Variants in BCAR3 observed in about 807,000 individuals in gnomAD.
The protein encoded by BCAR3 is BCAR3 adaptor protein, NSP family member.
A neutral mutation model predicts 80.1 loss-of-function variants in BCAR3; 37 were observed. That is an observed-to-expected ratio of 0.46 (90% confidence interval 0.36 to 0.61). The LOEUF (loss-of-function observed/expected upper bound fraction) is 0.61, where lower values mean the gene tolerates loss of function less well. Ranked by LOEUF, BCAR3 falls within the 20% of genes least tolerant of loss-of-function variation. The probability of loss-of-function intolerance (pLI) is 0.00; values close to 1 mark genes in which losing one functional copy is unlikely to be tolerated. For synonymous variants in BCAR3, 389 were observed against 418.9 expected, an observed-to-expected ratio of 0.93 and a Z score of 0.87; for missense variants, 978 against 1,068.2, an observed-to-expected ratio of 0.92 and a Z score of 1.18.
At position 93,777,360 on chromosome 1, in the gene BCAR3, CTCT is replaced by C. The variant is rs548946041; in HGVS notation, c.-63+68204_-63+68206del. On this transcript the variant is annotated intron_variant, in intron 2 of 13. Transcript: ENST00000370244. ...TATTTCTTCTGCTTTCTTCTTCCTC[CTCT>C]TCTTCTTCTTCCTCCTCTTCTTCTT... Among the ~76,000 whole-genome samples the C allele has an allele frequency of 3.0e-3, 362 of 120,790 alleles. 5 individuals carry two copies. The highest frequency in any genetic ancestry group is 7.7e-3 in the African/African-American group (229 of 29,852). The allele number at this position is 120,790 out of a possible 152,430, so 79.2% of individuals were successfully genotyped here.
At chr1:93,708,028 C>A (rs1194361505) in intron 2 of BCAR3, among the ~76,000 whole-genome samples, 3 of 152,050 alleles carry the variant, frequency 2.0e-5, no homozygotes, top group Non-Finnish European at 4.4e-5. Context: ...AAGTTGCCAG[C>A]ATAGACAGGA....
rs552416071 is a variant in BCAR3 at position 93,562,923 on chromosome 1, C to T, written c.2300-504G>A. On this transcript the variant is annotated intron_variant, in intron 11 of 11. Coordinates refer to ENST00000260502, the MANE Select transcript of BCAR3 (RefSeq NM_003567.4). ...AGAGCAGAGCCCCACCCTGCAGAAC[C>T]TAAGCACCTTCAGAGAAGAAATAAC... 6.6e-5 allele frequency among the ~76,000 whole-genome samples: 10 copies of T among 152,082 alleles called. No homozygotes were observed. In the South Asian group the frequency reaches 2.1e-3, roughly 32 times the overall value.
intron 2 of BCAR3, among the ~76,000 whole-genome samples, chr1:93,750,175 T>C (rs1301179652): frequency 6.6e-6 from 1 of 152,182 alleles, no homozygotes; most frequent in Admixed American, 6.5e-5. Flanking sequence ...CAAACAGAGT[T>C]CTGATCAGAC....
At chr1:93,671,030 T>A (rs1648177772) in intron 2 of BCAR3, among the ~76,000 whole-genome samples, 1 of 152,242 alleles carries the variant, frequency 6.6e-6, no homozygotes, top group African/African-American at 2.4e-5. Flanking sequence ...TCTCACTCTG[T>A]CACCCAAGGC....
intron 2 of BCAR3, among the ~76,000 whole-genome samples, chr1:93,661,530 C>T (rs1035847826): frequency 2.0e-5 from 3 of 151,700 alleles, no homozygotes; most frequent in African/African-American, 7.3e-5. Flanking sequence ...TCTGTTGCCC[C>T]AGGCTGGATT....
intron 2 of BCAR3, among the ~76,000 whole-genome samples, chr1:93,821,691 T>C (rs1400210530): frequency 3.3e-5 from 5 of 152,154 alleles, no homozygotes; most frequent in Non-Finnish European, 7.3e-5. Context: ...GAATTAGCAT[T>C]TACTGAGCAC....
rs765493367 is a variant in BCAR3, at chr1:93,589,222, G to A, written c.684C>T (p.Pro228=). 62 of 1,613,890 alleles carry A rather than the reference G, an allele frequency of 3.8e-5. No individual in the cohort carries two copies. Among genetic ancestry groups the A allele is most frequent in the Admixed American group, 1.5e-4 (9 of 59,996 alleles). ...TGCCCACGTAGCAGCGCACCAGGCC[G>A]GGGATGGAGTCGAAGCTCTCCATCT... is the stretch of plus-strand genomic sequence containing the variant. ...QFEMESFDSI[P]GLVRCYVGNR... is the part of the protein sequence containing the mutation. The change falls in exon 5 of 12, where the codon CCC becomes CCT. Residue 228 remains proline (P), a synonymous_variant. Coordinates refer to ENST00000260502, the MANE Select transcript of BCAR3 (RefSeq NM_003567.4).
At position 93,714,847 on chromosome 1, in the gene BCAR3, C is replaced by T. The variant is rs184148911; in HGVS notation, c.-62-8705G>A. On this transcript the variant is annotated intron_variant, in intron 2 of 13. Coordinates refer to the BCAR3 transcript ENST00000370244. ...TGATAATAGTCTCATCCGTGACTTT[C>T]GCAGTTTTGTAAGCTTCTGTCATAT... Among the ~76,000 whole-genome samples the T allele has an allele frequency of 3.3e-5, 5 of 152,274 alleles. No individual in the cohort carries two copies. The East Asian group carries it at 5.8e-4, about 18-fold the overall frequency.
intron 2 of BCAR3, among the ~76,000 whole-genome samples, chr1:93,650,748 A>T (rs1037766136): frequency 1.3e-5 from 2 of 152,132 alleles, no homozygotes; most frequent in African/African-American, 2.4e-5. Context: ...CTCCCCAAAA[A>T]ATTCGGTGAT....
chr1:93,737,912 A>C (rs979067724), intron 2 of BCAR3, among the ~76,000 whole-genome samples: 2 of 152,196 alleles, frequency 1.3e-5, no homozygotes, highest in African/African-American at 4.8e-5. Flanking sequence ...AGCTCACTGT[A>C]ACCTTGAAAT....
intron 2 of BCAR3, among the ~76,000 whole-genome samples, chr1:93,668,343 A>T (rs1350163955): frequency 6.6e-6 from 1 of 152,182 alleles, no homozygotes; most frequent in Non-Finnish European, 1.5e-5. Flanking sequence ...ACCATCAGAC[A>T]GCTGGTAGAT....
intron 2 of BCAR3, among the ~76,000 whole-genome samples, chr1:93,829,084 T>G (rs1390553264): frequency 6.6e-6 from 1 of 152,120 alleles, no homozygotes; most frequent in Non-Finnish European, 1.5e-5. Context: ...AGCTTCCTCA[T>G]GCTGAGAAAG....
chr1:93,799,677 T>C (rs1175365995), intron 2 of BCAR3, among the ~76,000 whole-genome samples: 3 of 152,208 alleles, frequency 2.0e-5, no homozygotes, highest in Admixed American at 6.5e-5. Context: ...TCATGAAGAA[T>C]GGAAAAGCAT....
intron 2 of BCAR3, among the ~76,000 whole-genome samples, chr1:93,807,460 A>G (rs1446577396): frequency 6.6e-6 from 1 of 152,184 alleles, no homozygotes; most frequent in African/African-American, 2.4e-5. Context: ...AATGAGCACA[A>G]AGAACAATGG....
At chr1:93,721,540 A>G (rs1043734895) in intron 2 of BCAR3, among the ~76,000 whole-genome samples, 8 of 152,220 alleles carry the variant, frequency 5.3e-5, no homozygotes, top group African/African-American at 1.7e-4. Flanking sequence ...TACAGGCCCC[A>G]GTGGCCAGGA....
chr1:93,596,085 T>C (rs1056526006), intron 3 of BCAR3, among the ~76,000 whole-genome samples: 2 of 152,258 alleles, frequency 1.3e-5, no homozygotes, highest in Non-Finnish European at 2.9e-5. Flanking sequence ...TCATCCCCTC[T>C]GTGTGGCTAT....
chr1:93,614,154 T>C, intron 3 of BCAR3: 3 of 1,330,728 alleles, frequency 2.3e-6, no homozygotes, highest in Middle Eastern at 2.8e-4. Flanking sequence ...TCTCGCAGGC[T>C]GGTGTCCAGC....
At chr1:93,627,961 A>G (rs1675500374) in intron 3 of BCAR3, among the ~76,000 whole-genome samples, 1 of 152,206 alleles carries the variant, frequency 6.6e-6, no homozygotes, top group Non-Finnish European at 1.5e-5. Context: ...AGTAACTATC[A>G]TAAAAACACT....
At chr1:93,719,334 GTTTTTTTTTTTTT>G (rs1217381018) in intron 2 of BCAR3, among the ~76,000 whole-genome samples, 2 of 73,206 alleles carry the variant, frequency 2.7e-5, no homozygotes, top group Admixed American at 4.4e-4. Flanking sequence ...AAACTTTCTT[GTTTTTTTTTTTTT>G]TTTTTTTTTT....
Sources: allele counts gnomAD v4.1 joint callset (sites outside exome capture counted in the v4.1 genomes callset), GRCh38; gene constraint gnomAD v4.1.1; transcripts MANE v1.5; gene names NCBI Gene and HGNC (gene_info 2026-07-23, HGNC 2026-07-21).